Variants in NDST4 observed in about 807,000 individuals in gnomAD.
NDST4 encodes the protein N-deacetylase and N-sulfotransferase 4, also known as N-heparan sulfate sulfotransferase 4.
A neutral mutation model predicts 100.8 loss-of-function variants in NDST4; 63 were observed. That is an observed-to-expected ratio of 0.62 (90% confidence interval 0.51 to 0.77). The LOEUF is 0.77. Among genes scored for constraint, NDST4 ranks in the 30% least tolerant of loss-of-function variants. The pLI is 0.00. For missense variants in NDST4, 943 were observed against 1,018.4 expected, an observed-to-expected ratio of 0.93 and a Z score of 1.01; for synonymous variants, 377 against 361.8, an observed-to-expected ratio of 1.04 and a Z score of -0.48.
chr4:114,920,890 G>A (rs1359292859), intron 6 of NDST4, among the ~76,000 whole-genome samples: 2 of 151,978 alleles, frequency 1.3e-5, no homozygotes, highest in African/African-American at 4.8e-5. Flanking sequence ...TGATTTGTGG[G>A]GTTGAATTTC....
At chr4:115,012,879 A>G (rs559115934) in intron 2 of NDST4, among the ~76,000 whole-genome samples, 195 of 152,178 alleles carry the variant, frequency 1.3e-3, no homozygotes, top group Non-Finnish European at 2.5e-3. Context: ...AAGTAAAATT[A>G]AATGAAATTC....
intron 4 of NDST4, among the ~76,000 whole-genome samples, chr4:114,967,489 GA>G (rs1726409233): frequency 1.3e-5 from 2 of 151,970 alleles, no homozygotes; most frequent in South Asian, 4.1e-4. Flanking sequence ...TCTTAAAAAA[GA>G]AATTACACAA....
chr4:115,004,622 G>A lies in NDST4; in HGVS notation c.979-27348C>T, dbSNP rs143318916. 5.9e-3 allele frequency among the ~76,000 whole-genome samples: 902 copies of A among 152,152 alleles called. 37 individuals carry two copies. The highest frequency in any genetic ancestry group is 0.055 in the Admixed American group (838 of 15,264). On this transcript the variant is annotated intron_variant, in intron 2 of 13. Coordinates refer to ENST00000264363, the MANE Select transcript of NDST4 (RefSeq NM_022569.3). The stretch of plus-strand genomic sequence containing the variant: ...TAAATATATCTTCATCTTGCTGCTC[G>A]TCACACCAACCACCCCTTCTCAATC...
intron 10 of NDST4, among the ~76,000 whole-genome samples, chr4:114,843,838 A>C (rs1206963349): frequency 6.6e-6 from 1 of 152,044 alleles, no homozygotes; most frequent in Non-Finnish European, 1.5e-5. Flanking sequence ...CACCATTTAC[A>C]TGGCCATGGC....
At chr4:114,828,082 T>A in intron 13 of NDST4, 147 bp from the exon 14 acceptor site, 1 of 764,490 alleles carries the variant, frequency 1.3e-6, no homozygotes, top group Non-Finnish European at 1.9e-6. Context: ...AAATATCAGT[T>A]ATTTTTACCT....
At chr4:114,925,533 C>T (rs377746201) in intron 6 of NDST4, among the ~76,000 whole-genome samples, 1 of 152,152 alleles carries the variant, frequency 6.6e-6, no homozygotes, top group African/African-American at 2.4e-5. Flanking sequence ...TTGATATACA[C>T]GGAGAAGGAA....
intron 2 of NDST4, among the ~76,000 whole-genome samples, chr4:115,060,704 T>A (rs904857393): frequency 1.3e-5 from 2 of 152,000 alleles, no homozygotes; most frequent in Admixed American, 1.3e-4. Context: ...GATACCTTTT[T>A]TTCTAGCAGC....
chr4:115,058,694 G>T (rs1407122747), intron 2 of NDST4, among the ~76,000 whole-genome samples: 1 of 151,948 alleles, frequency 6.6e-6, no homozygotes. Flanking sequence ...TGAGGTAAAG[G>T]CAACAACGTT....
chr4:115,083,780 C>T lies in NDST4; in HGVS notation c.-246-6498G>A, dbSNP rs766835921. Among the ~76,000 whole-genome samples the T allele has an allele frequency of 1.2e-4, 19 of 152,188 alleles. No individual in the cohort carries two copies. The South Asian group carries it at 1.7e-3, about 13-fold the overall frequency. ...CCTTTGTTCAGCACTCATTCTCTCT[C>T]GTCACCCTGTGAAGAGGTACCTTCT... On this transcript the variant is annotated intron_variant, in intron 1 of 13. Transcript: ENST00000264363.
At chr4:114,862,131 C>G (rs140478174) in intron 7 of NDST4, among the ~76,000 whole-genome samples, 54 of 152,198 alleles carry the variant, frequency 3.5e-4, no homozygotes, top group African/African-American at 1.3e-3. Flanking sequence ...AGGACAGGCA[C>G]AGTAAACATT....
At chr4:114,866,571 G>A (rs2126195024) in intron 7 of NDST4, among the ~76,000 whole-genome samples, 1 of 152,218 alleles carries the variant, frequency 6.6e-6, no homozygotes, top group East Asian at 1.9e-4. Flanking sequence ...ATTCTTTAAT[G>A]ATATTTTGAA....
intron 7 of NDST4, among the ~76,000 whole-genome samples, chr4:114,868,806 CTT>C (rs1256458552): frequency 6.6e-6 from 1 of 151,520 alleles, no homozygotes; most frequent in Admixed American, 6.6e-5. Flanking sequence ...AATTCCTAAA[CTT>C]ATATAAACAA....
At chr4:114,847,138 A>T (rs1193169799) in intron 9 of NDST4, among the ~76,000 whole-genome samples, 1 of 131,268 alleles carries the variant, frequency 7.6e-6, no homozygotes, top group African/African-American at 4.2e-5. Context: ...GCACTTTGGG[A>T]GGCCGAGGCG....
intron 1 of NDST4, among the ~76,000 whole-genome samples, chr4:115,094,218 T>C (rs957937315): frequency 1.3e-5 from 2 of 152,106 alleles, no homozygotes; most frequent in Non-Finnish European, 1.5e-5. Context: ...AAATGTAAGG[T>C]TTAGAGAAGC....
chr4:114,833,398 A>C lies in NDST4; in HGVS notation c.2396+208T>G, dbSNP rs549883814. On this transcript the variant is annotated intron_variant, in intron 12 of 13. Coordinates refer to ENST00000264363, the MANE Select transcript of NDST4 (RefSeq NM_022569.3). ...ACTCACAAAAAGAAGAATTTGCAAT[A>C]ATATAACATATACTTTACAAAATAA... Among the ~76,000 whole-genome samples, 7 of 152,368 alleles carry C rather than the reference A, an allele frequency of 4.6e-5. No homozygotes were observed. In the East Asian group the frequency reaches 1.3e-3, roughly 29 times the overall value.
chr4:114,989,079 C>T lies in NDST4; in HGVS notation c.979-11805G>A, dbSNP rs1287950531. ...TCCTTGACTCAGCCCTATTTAAAGT[C>T]TAATTATGATGCACATTTATAACAA... is the stretch of plus-strand genomic sequence containing the variant. On this transcript the variant is annotated intron_variant, in intron 2 of 13. Transcript: ENST00000264363. 8.5e-5 allele frequency among the ~76,000 whole-genome samples: 13 copies of T among 152,208 alleles called. No homozygotes were observed. The South Asian group carries it at 2.7e-3, about 32-fold the overall frequency.
rs530319515 is a variant in NDST4 at position 114,864,655 on chromosome 4, G to A, written c.1719+6113C>T. ...GGCTTGAACTCTCCTTGTTCCCCAT[G>A]TAAAATCCATGCAGTCCCTCAACTT... On this transcript the variant is annotated intron_variant, in intron 7 of 13. Coordinates refer to ENST00000264363, the MANE Select transcript of NDST4 (RefSeq NM_022569.3). Among the ~76,000 whole-genome samples, 15 of 152,292 alleles carry A rather than the reference G, an allele frequency of 9.8e-5. No homozygotes were observed. In the East Asian group the frequency reaches 2.7e-3, roughly 27 times the overall value.
Position 114,827,857 on chromosome 4 carries a change from G to A in NDST4, c.2578C>T (p.Leu860=), listed in dbSNP as rs780936481. The change falls in exon 14 of 14, where the codon CTG becomes TTG. Residue 860 remains leucine, a synonymous_variant. Transcript: ENST00000264363. ...AGTTCCTGTCTCAGCCACGATGGCA[G>A]AGGCTGTCCCAGTCTGTGTAGCAGT... The part of the protein sequence containing the change: ...SKLLHRLGQP[L]PSWLRQELQK... The A allele has an allele frequency of 7.4e-6, 12 of 1,612,636 alleles. No homozygotes were observed. Among genetic ancestry groups the A allele is most frequent in the Non-Finnish European group, 1.0e-5 (12 of 1,179,266 alleles).
chr4:115,024,507 T>G (rs2126266845), intron 2 of NDST4, among the ~76,000 whole-genome samples: 1 of 152,290 alleles, frequency 6.6e-6, no homozygotes. Flanking sequence ...CCTATTTATT[T>G]TATTTTCAAA....
Sources: gnomAD v4.1 joint callset for allele counts (sites outside exome capture counted in the v4.1 genomes callset) on GRCh38, gnomAD v4.1.1 for gene constraint, MANE v1.5 for transcripts, NCBI Gene and HGNC (gene_info 2026-07-23, HGNC 2026-07-21) for gene names.